The following TBC1D4 variants were observed in gnomAD, a reference collection of about 807,000 sequenced individuals.
The protein encoded by TBC1D4 is TBC1 domain family member 4.
TBC1D4 carries 121 observed loss-of-function variants against 142.5 expected under a neutral mutation model. The observed-to-expected ratio is 0.85, with a 90% CI of 0.73 to 0.99. TBC1D4 has a LOEUF of 0.99. Among genes scored for constraint, TBC1D4 ranks in the 50% least tolerant of loss-of-function variants. The probability of loss-of-function intolerance (pLI) is 0.00; values close to 1 mark genes in which losing one functional copy is unlikely to be tolerated. For missense variants in TBC1D4, 1,475 were observed against 1,606.6 expected (o/e 0.92, Z 1.40); for synonymous variants, 630 against 628.2 (o/e 1.00, Z -0.04).
chr13:75,439,232 G>A (rs2138191097), intron 1 of TBC1D4, among the ~76,000 whole-genome samples: 1 of 152,228 alleles, frequency 6.6e-6, no homozygotes, highest in Non-Finnish European at 1.5e-5. Flanking sequence ...AAAGCATAAA[G>A]AAATGCCTCA....
Position 75,326,422 on chromosome 13 carries a change from T to C in TBC1D4, c.1808A>G (p.Asp603Gly). 6.2e-7 allele frequency: 1 copy of C among 1,614,100 alleles called. No homozygotes were observed. The highest frequency in any genetic ancestry group is 8.5e-7 in the Non-Finnish European group (1 of 1,179,998). The change falls in exon 10 of 21, where the codon GAC (aspartate) becomes GGC (glycine). Residue 603 changes from aspartate to glycine, a missense_variant and splice_region_variant. Asp to Gly is a moderately conservative substitution (Grantham distance 94). Around this residue, in one of 2 missense-constraint regions of TBC1D4, gnomAD observed 1,227 missense variants for 1,267.7 expected, o/e 0.97. Coordinates refer to ENST00000377636, the MANE Select transcript of TBC1D4 (RefSeq NM_014832.5). ...ERSNSLASEK[D>G]YSPGDSPPGT... is the part of the protein sequence containing the mutation. ...TGGTGGAGAATCCCCTGGTGAGTAG[T>C]CCTGAAACACAAGCGGAAGGGAGCC...
intron 1 of TBC1D4, among the ~76,000 whole-genome samples, chr13:75,459,492 T>C (rs967270724): frequency 3.9e-5 from 6 of 152,228 alleles, no homozygotes; most frequent in African/African-American, 1.4e-4. Context: ...CTGGCTTGAC[T>C]TGCCTTTCTC....
intron 5 of TBC1D4, 94 bp from the exon 6 acceptor site, chr13:75,341,681 G>A (rs753171468): frequency 1.6e-5 from 15 of 966,744 alleles, no homozygotes; most frequent in Non-Finnish European, 2.5e-5. Flanking sequence ...TCCCAAGCAG[G>A]CTCTGAACTT....
intron 1 of TBC1D4, among the ~76,000 whole-genome samples, chr13:75,377,529 C>G (rs1021058250): frequency 1.3e-5 from 2 of 152,026 alleles, no homozygotes. Flanking sequence ...GCAAATACCA[C>G]TGCACCATCC....
intron 1 of TBC1D4, among the ~76,000 whole-genome samples, chr13:75,427,178 C>G (rs1003409352): frequency 6.6e-6 from 1 of 151,924 alleles, no homozygotes; most frequent in African/African-American, 2.4e-5. Flanking sequence ...AGCTCCGCCT[C>G]CCAGGTTCAC....
Position 75,302,316 on chromosome 13 carries a change from CTGT to C in TBC1D4, c.2835_2837del (p.Gln946del), listed in dbSNP as rs764704192. 19 of 1,614,170 alleles carry C rather than the reference CTGT, an allele frequency of 1.2e-5. No homozygotes were observed. The African/African-American group carries it at 2.1e-4, about 18-fold the overall frequency. ...GTTCCTTATAGGATATGTCAGGAGGCTGTTGTTTATTAGGCAATCTGTGTCTGA... is the reference window on the plus strand; with the variant it reads ...GTTCCTTATAGGATATGTCAGGAGGCTGTTTATTAGGCAATCTGTGTCTGA... On this transcript the variant is annotated inframe_deletion, in exon 16 of 21. Coordinates refer to ENST00000377636, the MANE Select transcript of TBC1D4 (RefSeq NM_014832.5).
intron 8 of TBC1D4, among the ~76,000 whole-genome samples, chr13:75,328,092 G>A (rs923023344): frequency 5.3e-5 from 8 of 152,094 alleles, no homozygotes; most frequent in African/African-American, 1.7e-4. Flanking sequence ...AAGATTACAC[G>A]TTATTCATCC....
At chr13:75,472,291 C>T (rs1041676398) in intron 1 of TBC1D4, among the ~76,000 whole-genome samples, 1 of 151,532 alleles carries the variant, frequency 6.6e-6, no homozygotes, top group South Asian at 2.1e-4. Flanking sequence ...TGCTGGCAGG[C>T]GCCTGTAGTC....
At chr13:75,325,765 TATCTC>T (rs1401931356) in intron 10 of TBC1D4, among the ~76,000 whole-genome samples, 77 of 152,226 alleles carry the variant, frequency 5.1e-4, no homozygotes, top group African/African-American at 1.7e-3. Context: ...AGCCAAATAT[TATCTC>T]ATGTATGAAA....
At chr13:75,332,588 TGGACC>T (rs77235177) in intron 8 of TBC1D4, among the ~76,000 whole-genome samples, 115,362 of 151,520 alleles carry the variant, frequency 0.76, 46,584 homozygotes, top group South Asian at 0.95. Context: ...CCCAAATTAC[TGGACC>T]CCACCCCGAG....
intron 8 of TBC1D4, among the ~76,000 whole-genome samples, chr13:75,329,624 T>C (rs1395088208): frequency 1.3e-5 from 2 of 152,176 alleles, no homozygotes; most frequent in Non-Finnish European, 2.9e-5. Flanking sequence ...CTTGGTCCCA[T>C]GTCTTCTCCT....
chr13:75,341,198 A>C lies in TBC1D4; in HGVS notation c.1538T>G (p.Leu513Arg), dbSNP rs1880669960. ...KPVSDQEENE[L>R]VILHLRQLCE... Reference sequence around the variant, plus strand: ...CAGCTGCCTCAGGTGTAAAATCACAAGTTCATTTTCTTCCTGGTCACTGAC... The same window carrying C: ...CAGCTGCCTCAGGTGTAAAATCACACGTTCATTTTCTTCCTGGTCACTGAC... The change falls in exon 7 of 21, where the codon CTT becomes CGT. Residue 513 changes from leucine to arginine, a missense_variant. Physicochemically the swap from Leu to Arg is moderately radical, Grantham distance 102. This residue lies in a region of TBC1D4 where 1,227 missense variants were observed against 1,267.7 expected (regional missense o/e 0.97). Transcript: ENST00000377636. The C allele has an allele frequency of 3.7e-6, 6 of 1,613,672 alleles. No individual in the cohort carries two copies. The East Asian group carries it at 1.3e-4, about 36-fold the overall frequency.
In TBC1D4 at chr13:75,335,412, A is replaced by C. The variant is rs1880113356; in HGVS notation, c.1731+1509T>G. 1.3e-5 allele frequency among the ~76,000 whole-genome samples: 2 copies of C among 152,186 alleles called. 1 individual carries two copies. Among genetic ancestry groups the C allele is most frequent in the Admixed American group, 1.3e-4 (2 of 15,278 alleles). ...AAGTTGAAGGGGAACCATTTTGCTT[A>C]TTTTAAAATGGAATATATATACTTA... On this transcript the variant is annotated intron_variant, in intron 8 of 20. Transcript: ENST00000377636.
chr13:75,358,029 G>A (rs1224746620), intron 3 of TBC1D4, among the ~76,000 whole-genome samples: 2 of 151,646 alleles, frequency 1.3e-5, no homozygotes, highest in South Asian at 2.1e-4. Context: ...TGCCCAATGA[G>A]CATTGCGAGT....
At chr13:75,407,208 A>C (rs1885389302) in intron 1 of TBC1D4, among the ~76,000 whole-genome samples, 1 of 152,246 alleles carries the variant, frequency 6.6e-6, no homozygotes, top group South Asian at 2.1e-4. Flanking sequence ...CAAACTCAAC[A>C]GCATTCCAAG....
chr13:75,311,704 A>G (rs1877775666), intron 13 of TBC1D4, among the ~76,000 whole-genome samples: 1 of 152,068 alleles, frequency 6.6e-6, no homozygotes, highest in African/African-American at 2.4e-5. Context: ...ATGTCATTCT[A>G]CTTGTCTTCT....
chr13:75,394,173 G>T lies in TBC1D4; in HGVS notation c.499-31566C>A, dbSNP rs180884264. 3.5e-4 allele frequency among the ~76,000 whole-genome samples: 53 copies of T among 152,236 alleles called. 2 individuals are homozygous for T. Among genetic ancestry groups the T allele is most frequent in the African/African-American group, 9.6e-4 (40 of 41,550 alleles). The stretch of plus-strand genomic sequence containing the variant: ...CTTACAATTACCTTATAAGACAAGA[G>T]AAATATAATTAACTTAGAGAAAGAA... On this transcript the variant is annotated intron_variant, in intron 1 of 20. Coordinates refer to ENST00000377636, the MANE Select transcript of TBC1D4 (RefSeq NM_014832.5).
chr13:75,410,158 T>G, intron 1 of TBC1D4, among the ~76,000 whole-genome samples: 1 of 152,312 alleles, frequency 6.6e-6, no homozygotes, highest in Non-Finnish European at 1.5e-5. Flanking sequence ...ACTCAATAAA[T>G]GGTACCTATA....
chr13:75,305,732 C>T (rs1877114545), intron 15 of TBC1D4, among the ~76,000 whole-genome samples: 1 of 152,096 alleles, frequency 6.6e-6, no homozygotes, highest in Non-Finnish European at 1.5e-5. Context: ...GTCACAGAAA[C>T]TGCAACTAAA....
Sources: gnomAD v4.1 joint callset for allele counts (sites outside exome capture counted in the v4.1 genomes callset) on GRCh38, gnomAD v4.1.1 for gene constraint, gnomAD v4.1.1 regional missense constraint, MANE v1.5 for transcripts, NCBI Gene and HGNC (gene_info 2026-07-23, HGNC 2026-07-21) for gene names.